The following SLC5A10 variants were observed in gnomAD, a reference collection of about 807,000 sequenced individuals.
SLC5A10 encodes solute carrier family 5 member 10, also known as sodium/mannose cotransporter SLC5A10.
A neutral mutation model predicts 68.9 loss-of-function variants in SLC5A10; 55 were observed. The observed-to-expected ratio is 0.80, with a 90% CI of 0.64 to 1.00. SLC5A10 has a LOEUF of 1.00. SLC5A10 is among the 50% of genes least tolerant of loss of function. The pLI is 0.00. For synonymous variants in SLC5A10, 344 were observed against 344.8 expected (o/e 1.00, Z 0.02); for missense variants, 732 against 819.3 (o/e 0.89, Z 1.30).
In SLC5A10 at chr17:19,017,200, C is replaced by G. The variant is rs1007024044; in HGVS notation, c.1241+2001C>G. 1.6e-6 allele frequency: 2 copies of G among 1,274,250 alleles called. No individual in the cohort carries two copies. The allele number at this position is 1,274,250 out of a possible 1,614,324, so 78.9% of individuals were successfully genotyped here. A position where few individuals can be genotyped will look rare whatever the true frequency, so the allele number is the denominator to read the frequency against. On this transcript the variant is annotated intron_variant, in intron 11 of 14. Coordinates refer to ENST00000395645, the MANE Select transcript of SLC5A10 (RefSeq NM_001042450.4). The surrounding 1 kb of genome is among the most constrained non-coding windows in gnomAD (Gnocchi z 5.6). The stretch of plus-strand genomic sequence containing the variant: ...TGCTCACCCTCTCTGGGCCCCAGTT[C>G]TCTCAGCTGCCAGCTGGATAGAGCA...
chr17:19,003,661 GGAGCGGTCC>G lies in SLC5A10; in HGVS notation c.983-9746_983-9738del, dbSNP rs1485423175. 1 of 1,611,804 alleles carries G rather than the reference GGAGCGGTCC, an allele frequency of 6.2e-7. No individual in the cohort carries two copies. The highest frequency in any genetic ancestry group is 8.5e-7 in the Non-Finnish European group (1 of 1,179,414). On this transcript the variant is annotated intron_variant, in intron 9 of 14. Transcript: ENST00000395645. This position sits in a 1 kb window ranked among gnomAD's most constrained non-coding sequence, Gnocchi z 4.5. The stretch of plus-strand genomic sequence containing the variant: ...GCCAGCCCAGGTCCAGCTGCGGGAT[GGAGCGGTCC>G]GACTTCTGGGGCCAGTACTCCAGGG...
At chr17:18,958,779 A>C (rs1567776736) in intron 2 of SLC5A10, 26 bp downstream of exon 2, 1 of 1,612,576 alleles carries the variant, frequency 6.2e-7, no homozygotes, top group Admixed American at 1.7e-5. Context: ...CTTCTCACAC[A>C]CCCCCACTTT....
rs2044220427 is a variant in SLC5A10, at chr17:19,019,699, TC to T, written c.1411-11del. Reference sequence around the variant, plus strand: ...CTCCCGTAGCCCCACATGCCCTGCCTCCCTCCTCCCCAGGGGGCCTTCTGGG... The same window carrying T: ...CTCCCGTAGCCCCACATGCCCTGCCTCCTCCTCCCCAGGGGGCCTTCTGGG... On this transcript the variant is annotated splice_polypyrimidine_tract_variant and intron_variant, in intron 12 of 14. Coordinates refer to ENST00000395645, the MANE Select transcript of SLC5A10 (RefSeq NM_001042450.4). 1 of 1,606,674 alleles carries T rather than the reference TC, an allele frequency of 6.2e-7. No individual in the cohort carries two copies.
At chr17:18,966,183 C>T (rs1180255722) in intron 5 of SLC5A10, among the ~76,000 whole-genome samples, 1 of 152,078 alleles carries the variant, frequency 6.6e-6, no homozygotes, top group African/African-American at 2.4e-5. Flanking sequence ...GTGGAAAGGA[C>T]AGTTTGTGCA....
At chr17:18,963,287 A>T (rs2042647356) in intron 5 of SLC5A10, among the ~76,000 whole-genome samples, 1 of 152,226 alleles carries the variant, frequency 6.6e-6, no homozygotes, top group Admixed American at 6.5e-5. Flanking sequence ...GGTCACAGCG[A>T]GTCAGGCAGG....
intron 3 of SLC5A10, 68 bp downstream of exon 3, chr17:18,959,307 G>A (rs1324953933): frequency 6.7e-7 from 1 of 1,496,934 alleles, no homozygotes; most frequent in African/African-American, 1.4e-5. Flanking sequence ...GCACTGGAGG[G>A]GGACAGCTCC....
chr17:18,971,474 G>A lies in SLC5A10; in HGVS notation c.846+256G>A, dbSNP rs1329367876. 6.2e-7 allele frequency: 1 copy of A among 1,614,038 alleles called. No homozygotes were observed. ...CTTCGACTGAGACAGTTTGGAGTAT[G>A]GGATTCCGAAGGGACTCGGATGCTC... On this transcript the variant is annotated intron_variant, in intron 8 of 14. Coordinates refer to ENST00000395645, the MANE Select transcript of SLC5A10 (RefSeq NM_001042450.4). The surrounding 1 kb of genome is among the most constrained non-coding windows in gnomAD (Gnocchi z 5.5).
rs768725617 is a variant in SLC5A10, at chr17:19,003,714, C to T, written c.983-9696C>T. 2.2e-5 allele frequency: 36 copies of T among 1,605,284 alleles called. No homozygotes were observed. Among genetic ancestry groups the T allele is most frequent in the South Asian group, 2.0e-4 (18 of 90,462 alleles). ...TCCAGGGAGGGCAGCGGCTCGGCCTCGATGGGGACCCCATCCGCCCCGCTG... is the reference window on the plus strand; with the variant it reads ...TCCAGGGAGGGCAGCGGCTCGGCCTTGATGGGGACCCCATCCGCCCCGCTG... On this transcript the variant is annotated intron_variant, in intron 9 of 14. Coordinates refer to ENST00000395645, the MANE Select transcript of SLC5A10 (RefSeq NM_001042450.4). This position sits in a 1 kb window ranked among gnomAD's most constrained non-coding sequence, Gnocchi z 4.5.
chr17:19,004,220 G>C lies in SLC5A10; in HGVS notation c.983-9190G>C, dbSNP rs2043816873. ...GCTCGGCGGGGAGGGCGGGCCGCGC[G>C]GGGAGGGGCGGCGGGGGCGGGGCCG... On this transcript the variant is annotated intron_variant, in intron 9 of 14. Coordinates refer to ENST00000395645, the MANE Select transcript of SLC5A10 (RefSeq NM_001042450.4). The surrounding 1 kb of genome is among the most constrained non-coding windows in gnomAD (Gnocchi z 5.4). 1.8e-6 allele frequency: 1 copy of C among 565,852 alleles called. No homozygotes were observed. Among genetic ancestry groups the C allele is most frequent in the African/African-American group, 2.0e-5 (1 of 49,652 alleles). The allele number at this position is 565,852 out of a possible 1,614,324, so 35.1% of individuals were successfully genotyped here.
Position 18,971,322 on chromosome 17 carries a change from G to A in SLC5A10, c.846+104G>A, listed in dbSNP as rs1157565921. 4 of 1,606,802 alleles carry A rather than the reference G, an allele frequency of 2.5e-6. No individual in the cohort carries two copies. The highest frequency in any genetic ancestry group is 3.4e-6 in the Non-Finnish European group (4 of 1,175,338). On this transcript the variant is annotated intron_variant, in intron 8 of 14. Transcript: ENST00000395645. The surrounding 1 kb of genome is among the most constrained non-coding windows in gnomAD (Gnocchi z 5.5). ...CCTCCGCGTCATGAGTCTGGGCTGGGGCCTCAGAAGGTGTGGCTCCAGGCT... is the reference window on the plus strand; with the variant it reads ...CCTCCGCGTCATGAGTCTGGGCTGGAGCCTCAGAAGGTGTGGCTCCAGGCT...
chr17:18,960,095 G>C (rs2042582637), intron 4 of SLC5A10, among the ~76,000 whole-genome samples: 1 of 152,116 alleles, frequency 6.6e-6, no homozygotes, highest in South Asian at 2.1e-4. Context: ...CGTCGACTCT[G>C]CCCACTCCTT....
chr17:18,959,039 G>T, intron 2 of SLC5A10, 96 bp from the exon 3 acceptor site: 1 of 1,239,408 alleles, frequency 8.1e-7, no homozygotes, highest in East Asian at 2.5e-5. Flanking sequence ...CTAGGACCCC[G>T]CTTAGGTTTG....
chr17:18,958,991 A>T lies in SLC5A10; in HGVS notation c.184-144A>T. The T allele has an allele frequency of 4.9e-6, 4 of 817,400 alleles. No individual in the cohort carries two copies. The East Asian group carries it at 1.1e-4, about 22-fold the overall frequency. The allele number at this position is 817,400 out of a possible 1,614,324, so 50.6% of individuals were successfully genotyped here. A position where few individuals can be genotyped will look rare whatever the true frequency, so the allele number is the denominator to read the frequency against. ...CTTAGCTGTGCAGCTAGTCATGGGT[A>T]GAACACACACCCTGGGCTCCTCATC... On this transcript the variant is annotated intron_variant, in intron 2 of 14. Transcript: ENST00000395645.
At chr17:19,005,914 G>T (rs1184600057) in intron 9 of SLC5A10, among the ~76,000 whole-genome samples, 1 of 152,210 alleles carries the variant, frequency 6.6e-6, no homozygotes, top group Non-Finnish European at 1.5e-5. Flanking sequence ...ATCCCAGCGG[G>T]GGAGCCCTGC....
At chr17:19,011,206 A>T (rs967244511) in intron 9 of SLC5A10, among the ~76,000 whole-genome samples, 2 of 152,164 alleles carry the variant, frequency 1.3e-5, no homozygotes, top group African/African-American at 4.8e-5. Flanking sequence ...CCTTGGGAGG[A>T]AGCTGCTACT....
intron 9 of SLC5A10, among the ~76,000 whole-genome samples, chr17:18,992,369 C>T (rs1318940964): frequency 1.3e-5 from 2 of 152,136 alleles, no homozygotes; most frequent in Non-Finnish European, 2.9e-5. Context: ...CCCCAGTGCC[C>T]TGCCAGGAGC....
At chr17:18,973,146 A>G (rs1277145220) in intron 8 of SLC5A10, among the ~76,000 whole-genome samples, 2 of 152,236 alleles carry the variant, frequency 1.3e-5, no homozygotes, top group East Asian at 3.9e-4. Context: ...TGGAGGGCAC[A>G]GTAGGCAAGT....
In SLC5A10 at chr17:18,979,630, C is replaced by T. The variant is rs200916723; in HGVS notation, c.982+2641C>T. On this transcript the variant is annotated intron_variant, in intron 9 of 14. Coordinates refer to ENST00000395645, the MANE Select transcript of SLC5A10 (RefSeq NM_001042450.4). The stretch of plus-strand genomic sequence containing the variant: ...GGCACCCTTGAACTTGGTTGCCGAC[C>T]GCGTGAAGAACTCAGTTCCCCCGCT... 1.9e-4 allele frequency: 307 copies of T among 1,613,530 alleles called. No individual in the cohort carries two copies. Among genetic ancestry groups the T allele is most frequent in the Non-Finnish European group, 2.3e-4 (266 of 1,179,986 alleles).
rs764332657 is a variant in SLC5A10, at chr17:18,971,446, G to C, written c.846+228G>C. On this transcript the variant is annotated intron_variant, in intron 8 of 14. Transcript: ENST00000395645. This position sits in a 1 kb window ranked among gnomAD's most constrained non-coding sequence, Gnocchi z 5.5. ...GGCTACCGCCCGTCCTGGCCTTTAG[G>C]TGCTTCGACTGAGACAGTTTGGAGT... 12 of 1,613,894 alleles carry C rather than the reference G, an allele frequency of 7.4e-6. No individual in the cohort carries two copies. The South Asian group carries it at 1.3e-4, about 18-fold the overall frequency.
Sources: allele counts gnomAD v4.1 joint callset (sites outside exome capture counted in the v4.1 genomes callset), GRCh38; gene constraint gnomAD v4.1.1; non-coding constraint Gnocchi (gnomAD v3.1); transcripts MANE v1.5; gene names NCBI Gene and HGNC (gene_info 2026-07-23, HGNC 2026-07-21).